TTC39B: variants seen among roughly 807,000 people sequenced by gnomAD.
TTC39B encodes tetratricopeptide repeat domain 39B, also known as tetratricopeptide repeat protein 39B.
A neutral mutation model predicts 96.6 loss-of-function variants in TTC39B; 92 were observed. The ratio of observed to expected loss-of-function variants is 0.95; its 90% CI spans 0.80 to 1.13. The LOEUF is 1.13. Ranked by LOEUF, TTC39B falls within the 50% of genes most tolerant of loss-of-function variation. The pLI is 0.00. For synonymous variants in TTC39B, 367 were observed against 299.4 expected, an observed-to-expected ratio of 1.23 and a Z score of -2.33; for missense variants, 955 against 809.3, an observed-to-expected ratio of 1.18 and a Z score of -2.18.
At chr9:15,247,215 A>G (rs1822318951) in intron 2 of TTC39B, among the ~76,000 whole-genome samples, 1 of 152,202 alleles carries the variant, frequency 6.6e-6, no homozygotes, top group African/African-American at 2.4e-5. Flanking sequence ...TGGTAGGGAG[A>G]ATATTTTACA....
At chr9:15,217,016 T>C (rs1820557801) in intron 3 of TTC39B, among the ~76,000 whole-genome samples, 1 of 152,092 alleles carries the variant, frequency 6.6e-6, no homozygotes, top group African/African-American at 2.4e-5. Context: ...GACATCCAAT[T>C]GCTGTATAAT....
intron 1 of TTC39B, among the ~76,000 whole-genome samples, chr9:15,272,432 G>A (rs573149608): frequency 4.2e-4 from 64 of 152,202 alleles, no homozygotes; most frequent in Middle Eastern, 6.8e-3. Context: ...TCCAACATAA[G>A]TAAAGTAAGA....
At chr9:15,190,985 A>G (rs1818826129) in intron 10 of TTC39B, among the ~76,000 whole-genome samples, 1 of 152,234 alleles carries the variant, frequency 6.6e-6, no homozygotes, top group Non-Finnish European at 1.5e-5. Flanking sequence ...TTTGGATAAC[A>G]AGGGTGAACA....
At chr9:15,297,631 G>A (rs661048) in intron 1 of TTC39B, among the ~76,000 whole-genome samples, 133,278 of 152,144 alleles carry the variant, frequency 0.88, 58,434 homozygotes, top group East Asian at 0.97. Context: ...CCATCATGTT[G>A]CCTTAATTAT....
intron 17 of TTC39B, among the ~76,000 whole-genome samples, chr9:15,181,717 G>C (rs1029029171): frequency 6.6e-6 from 1 of 152,226 alleles, no homozygotes; most frequent in African/African-American, 2.4e-5. Flanking sequence ...AGGAGGCATA[G>C]AAAGAGTCAC....
intron 2 of TTC39B, among the ~76,000 whole-genome samples, chr9:15,233,558 G>T (rs1821563670): frequency 6.6e-6 from 1 of 151,160 alleles, no homozygotes; most frequent in African/African-American, 2.4e-5. Flanking sequence ...GGGTTTCGCT[G>T]TGTTGGCCGG....
intron 2 of TTC39B, among the ~76,000 whole-genome samples, chr9:15,251,694 C>CATATACATATATATAT (rs1822550815): frequency 1.6e-5 from 1 of 61,810 alleles, no homozygotes; most frequent in Non-Finnish European, 3.1e-5. Context: ...CACACACATA[C>CATATACATATATATAT]ATATACATAT....
At chr9:15,304,772 T>C (rs1204664420) in intron 1 of TTC39B, among the ~76,000 whole-genome samples, 2 of 151,784 alleles carry the variant, frequency 1.3e-5, no homozygotes, top group South Asian at 4.2e-4. Flanking sequence ...CCCTCTGAGG[T>C]TGACAGACTT....
At chr9:15,252,819 A>C (rs1029334999) in intron 2 of TTC39B, among the ~76,000 whole-genome samples, 1 of 152,200 alleles carries the variant, frequency 6.6e-6, no homozygotes, top group African/African-American at 2.4e-5. Context: ...ACTCTACTAC[A>C]TTTTCTAGTT....
At chr9:15,287,755 G>T (rs1339271721) in intron 1 of TTC39B, among the ~76,000 whole-genome samples, 8 of 152,006 alleles carry the variant, frequency 5.3e-5, no homozygotes. Flanking sequence ...GACCATCTTG[G>T]CTAACACGGT....
In TTC39B at chr9:15,306,977, G is replaced by T. The variant is rs1824772551; in HGVS notation, c.240+107C>A. On this transcript the variant is annotated intron_variant, in intron 1 of 19. Transcript: ENST00000512701. This position sits in a 1 kb window ranked among gnomAD's most constrained non-coding sequence, Gnocchi z 5.1. ...CGCCCGCCAGCCCACCCCAGAGAGG[G>T]GACCAAGGGGGCGGGGCCTCGGCCG... 4 of 1,501,320 alleles carry T rather than the reference G, an allele frequency of 2.7e-6. No homozygotes were observed. Among genetic ancestry groups the T allele is most frequent in the African/African-American group, 1.4e-5 (1 of 70,832 alleles). The allele number at this position is 1,501,320 out of a possible 1,614,324, so 93.0% of individuals were successfully genotyped here. A position where few individuals can be genotyped will look rare whatever the true frequency, so the allele number is the denominator to read the frequency against.
chr9:15,230,747 G>A (rs1219069267), intron 2 of TTC39B, among the ~76,000 whole-genome samples: 3 of 152,138 alleles, frequency 2.0e-5, no homozygotes. Context: ...GACTTTGGGA[G>A]GCCGAGGAGG....
At chr9:15,178,357 G>C (rs1049003882) in intron 17 of TTC39B, among the ~76,000 whole-genome samples, 1 of 152,112 alleles carries the variant, frequency 6.6e-6, no homozygotes, top group African/African-American at 2.4e-5. Flanking sequence ...AAGCTCACTT[G>C]AGCCCAGGAG....
chr9:15,238,420 G>C (rs1821886830), intron 2 of TTC39B, among the ~76,000 whole-genome samples: 1 of 152,128 alleles, frequency 6.6e-6, no homozygotes, highest in Non-Finnish European at 1.5e-5. Flanking sequence ...AAGACTCCTA[G>C]ATTTGATAAA....
chr9:15,174,904 T>G lies in TTC39B; in HGVS notation c.1958+115A>C, dbSNP rs1011352512. On this transcript the variant is annotated intron_variant, in intron 19 of 19. Transcript: ENST00000512701. ...AACCAGAAGTTAGCAAAAGTAGCAT[T>G]ATTACTAATTTGACATTGTTAATTG... 2.1e-5 allele frequency: 15 copies of G among 727,592 alleles called. No individual in the cohort carries two copies. The African/African-American group carries it at 2.6e-4, about 13-fold the overall frequency. 45.1% of individuals were successfully genotyped at this position (727,592 alleles called of 1,614,324 possible). A position where few individuals can be genotyped will look rare whatever the true frequency, so the allele number is the denominator to read the frequency against.
chr9:15,216,108 T>C (rs1195569749), intron 3 of TTC39B, among the ~76,000 whole-genome samples: 6 of 152,192 alleles, frequency 3.9e-5, no homozygotes, highest in African/African-American at 1.2e-4. Flanking sequence ...CAGAGCAGCC[T>C]GGCTGACCCC....
chr9:15,275,551 T>C (rs1823510927), intron 1 of TTC39B, among the ~76,000 whole-genome samples: 2 of 152,312 alleles, frequency 1.3e-5, no homozygotes, highest in South Asian at 4.1e-4. Flanking sequence ...CTAGTGAAAC[T>C]GCAGCAAAAG....
chr9:15,272,010 T>C (rs74899927), intron 1 of TTC39B, among the ~76,000 whole-genome samples: 1 of 152,134 alleles, frequency 6.6e-6, no homozygotes, highest in Non-Finnish European at 1.5e-5. Context: ...ACGTGGAGGA[T>C]GAAACACCAA....
At chr9:15,175,646 C>A (rs1456012607) in intron 18 of TTC39B, among the ~76,000 whole-genome samples, 5 of 152,234 alleles carry the variant, frequency 3.3e-5, no homozygotes, top group Admixed American at 3.3e-4. Context: ...ATACAACTAA[C>A]ACCATTTCAA....
Sources: allele counts gnomAD v4.1 joint callset (sites outside exome capture counted in the v4.1 genomes callset), GRCh38; gene constraint gnomAD v4.1.1; non-coding constraint Gnocchi (gnomAD v3.1); transcripts MANE v1.5; gene names NCBI Gene and HGNC (gene_info 2026-07-23, HGNC 2026-07-21).